The following CCDC33 variants were observed in gnomAD, a reference collection of about 807,000 sequenced individuals.
The protein encoded by CCDC33 is coiled-coil domain-containing protein 33.
A neutral mutation model predicts 91.9 loss-of-function variants in CCDC33; 94 were observed. That is an observed-to-expected ratio of 1.02 (90% CI 0.87 to 1.21). The LOEUF is 1.21. Ranked by LOEUF, CCDC33 falls within the 50% of genes most tolerant of loss-of-function variation. CCDC33 has a pLI of 0.00. For missense variants in CCDC33, 940 were observed against 935.5 expected (o/e 1.00, Z -0.06); for synonymous variants, 396 against 374.5 (o/e 1.06, Z -0.66).
intron 7 of CCDC33, among the ~76,000 whole-genome samples, chr15:74,279,447 G>A (rs983563898): frequency 6.6e-6 from 1 of 152,178 alleles, no homozygotes; most frequent in African/African-American, 2.4e-5. Flanking sequence ...TAGGAACACA[G>A]GAGCTGTTTT....
chr15:74,272,965 C>G, intron 7 of CCDC33, 74 bp downstream of exon 7: 1 of 1,529,600 alleles, frequency 6.5e-7, no homozygotes, highest in Non-Finnish European at 9.0e-7. Context: ...CTCAGTGAGT[C>G]AGTCAGCAGT....
At chr15:74,284,953 T>C (rs2059443402) in intron 10 of CCDC33, among the ~76,000 whole-genome samples, 1 of 152,250 alleles carries the variant, frequency 6.6e-6, no homozygotes, top group Non-Finnish European at 1.5e-5. Context: ...AAATATTGCA[T>C]AATGGGTCCA....
At chr15:74,268,487 T>C (rs770620178) in intron 5 of CCDC33, 29 bp downstream of exon 5, 4 of 1,230,892 alleles carry the variant, frequency 3.2e-6, no homozygotes, top group Non-Finnish European at 2.3e-6. Context: ...TCTGGGGTGG[T>C]GGTGGGGGTG....
chr15:74,245,216 G>A (rs530046244), intron 2 of CCDC33, among the ~76,000 whole-genome samples: 1 of 152,288 alleles, frequency 6.6e-6, no homozygotes, highest in East Asian at 1.9e-4. Context: ...TCCAACATAG[G>A]CCTGAGCCCA....
chr15:74,279,955 C>G lies in CCDC33; in HGVS notation c.760-8C>G. 6.2e-7 allele frequency: 1 copy of G among 1,613,616 alleles called. No homozygotes were observed. Among genetic ancestry groups the G allele is most frequent in the Non-Finnish European group, 8.5e-7 (1 of 1,179,738 alleles). ...CCCCCACCACCTGCTCCTACCCTCT[C>G]CCTCCAGCTGTCCAAGCCTGGGGGA... On this transcript the variant is annotated splice_region_variant and splice_polypyrimidine_tract_variant and intron_variant, in intron 7 of 18. Coordinates refer to ENST00000398814, the MANE Select transcript of CCDC33 (RefSeq NM_025055.5).
chr15:74,321,752 G>A (rs1225559772), intron 11 of CCDC33, among the ~76,000 whole-genome samples: 1 of 152,212 alleles, frequency 6.6e-6, no homozygotes, highest in African/African-American at 2.4e-5. Flanking sequence ...GATTAGCCAA[G>A]AGAGACCTCT....
At chr15:74,272,567 C>G (rs534423245) in intron 6 of CCDC33, among the ~76,000 whole-genome samples, 2 of 152,318 alleles carry the variant, frequency 1.3e-5, no homozygotes, top group South Asian at 2.1e-4. Context: ...ACTTATGAAG[C>G]CCCCTTGCTT....
intron 11 of CCDC33, among the ~76,000 whole-genome samples, chr15:74,327,146 A>G (rs2060326102): frequency 6.6e-6 from 1 of 152,066 alleles, no homozygotes; most frequent in African/African-American, 2.4e-5. Flanking sequence ...TCTCTCTCAG[A>G]GAGCAGCCAG....
chr15:74,328,728 G>C lies in CCDC33; in HGVS notation c.1291-1461G>C, dbSNP rs144572849. On this transcript the variant is annotated intron_variant, in intron 11 of 18. Transcript: ENST00000398814. ...CTGCTGCCAGGAGACCCCTGCTCTC[G>C]AAGCCATGGCCTGCCATGCAGCAGG... Among the ~76,000 whole-genome samples the C allele has an allele frequency of 5.9e-3, 894 of 152,292 alleles. 3 individuals are homozygous for C. The highest frequency in any genetic ancestry group is 0.01 in the Non-Finnish European group (694 of 68,012).
intron 1 of CCDC33, among the ~76,000 whole-genome samples, chr15:74,238,263 C>T (rs1049040794): frequency 3.3e-5 from 5 of 151,992 alleles, no homozygotes; most frequent in African/African-American, 9.7e-5. Context: ...CAAAAATTAA[C>T]CAGGCGTGGT....
intron 15 of CCDC33, among the ~76,000 whole-genome samples, chr15:74,331,546 G>T (rs932994085): frequency 6.6e-6 from 1 of 152,182 alleles, no homozygotes. Flanking sequence ...GTGTGAGCCA[G>T]GCTAGAAAGA....
intron 10 of CCDC33, among the ~76,000 whole-genome samples, chr15:74,292,236 T>C (rs1596046192): frequency 6.6e-6 from 1 of 152,170 alleles, no homozygotes; most frequent in African/African-American, 2.4e-5. Flanking sequence ...GAGGAGTTAG[T>C]CTTGGGAGGA....
At chr15:74,277,300 C>G (rs1347195198) in intron 7 of CCDC33, among the ~76,000 whole-genome samples, 1 of 152,196 alleles carries the variant, frequency 6.6e-6, no homozygotes, top group African/African-American at 2.4e-5. Flanking sequence ...CCTAGAGACC[C>G]CAGCCCAGCA....
At chr15:74,212,646 A>G (rs1385011845), upstream of CCDC33, 1 of 152,124 alleles carries the variant, frequency 6.6e-6, no homozygotes, top group East Asian at 1.9e-4. Context: ...TTTTGTTTTT[A>G]CTACTTACTA....
intron 10 of CCDC33, among the ~76,000 whole-genome samples, chr15:74,288,920 G>GAAGATTCA (rs1567002915): frequency 1.3e-5 from 2 of 152,188 alleles, no homozygotes; most frequent in Non-Finnish European, 2.9e-5. Context: ...TACCAGCCAG[G>GAAGATTCA]AACATAGTGA....
upstream of CCDC33, among the ~76,000 whole-genome samples, chr15:74,233,271 C>T (rs1397902809): frequency 6.6e-6 from 1 of 152,220 alleles, no homozygotes; most frequent in Non-Finnish European, 1.5e-5. Context: ...GTCCCTGCCC[C>T]TCCTTTGATT....
intron 18 of CCDC33, 69 bp downstream of exon 18, chr15:74,335,157 A>T: frequency 8.3e-7 from 1 of 1,210,244 alleles, no homozygotes; most frequent in South Asian, 1.2e-5. Flanking sequence ...GCACCCCCAA[A>T]GTCACTGGGC....
At chr15:74,315,203 C>A (rs553142692) in intron 11 of CCDC33, among the ~76,000 whole-genome samples, 1 of 152,204 alleles carries the variant, frequency 6.6e-6, no homozygotes, top group African/African-American at 2.4e-5. Context: ...GCTTCAAGCT[C>A]GAGTTGCGGG....
chr15:74,273,150 G>A (rs1325795833), intron 7 of CCDC33, among the ~76,000 whole-genome samples: 1 of 152,242 alleles, frequency 6.6e-6, no homozygotes, highest in African/African-American at 2.4e-5. Flanking sequence ...TAACAAACTG[G>A]GAGGGCCTGT....
Sources: allele counts gnomAD v4.1 joint callset (sites outside exome capture counted in the v4.1 genomes callset), GRCh38; gene constraint gnomAD v4.1.1; transcripts MANE v1.5; gene names NCBI Gene and HGNC (gene_info 2026-07-23, HGNC 2026-07-21).